IPCEF1: variants seen among roughly 807,000 people sequenced by gnomAD.
IPCEF1 encodes the protein interaction protein for cytohesin exchange factors 1.
In IPCEF1, 31 loss-of-function variants were observed where a neutral mutation model predicts 50.9. The observed-to-expected ratio is 0.61, with a 90% CI of 0.46 to 0.82. The LOEUF (loss-of-function observed/expected upper bound fraction) is 0.82, where lower values mean the gene tolerates loss of function less well. Among genes scored for constraint, IPCEF1 ranks in the 40% least tolerant of loss-of-function variants. The pLI, the probability that IPCEF1 is intolerant of heterozygous loss-of-function variation, is 0.00. For synonymous variants in IPCEF1, 181 were observed against 192.0 expected (o/e 0.94, Z 0.47); for missense variants, 458 against 514.0 (o/e 0.89, Z 1.05).
At chr6:154,350,025 C>T (rs942838355) in intron 1 of IPCEF1, among the ~76,000 whole-genome samples, 6 of 152,144 alleles carry the variant, frequency 3.9e-5, no homozygotes, top group Admixed American at 1.3e-4. Flanking sequence ...CACAGGGAAA[C>T]TCAAGAATAT....
chr6:154,215,463 G>A (rs1441724016), intron 7 of IPCEF1, among the ~76,000 whole-genome samples: 10 of 151,962 alleles, frequency 6.6e-5, no homozygotes, highest in African/African-American at 9.7e-5. Flanking sequence ...AAAATTAGCC[G>A]GGTGTGGTGG....
chr6:154,254,911 T>A (rs1286318733), intron 3 of IPCEF1, among the ~76,000 whole-genome samples: 1 of 152,180 alleles, frequency 6.6e-6, no homozygotes, highest in East Asian at 1.9e-4. Flanking sequence ...ATTTTTCCCT[T>A]TTTTCTTTCT....
rs1782746012 is a variant in IPCEF1, at chr6:154,299,726, C to T, written c.-61-9970G>A. Among the ~76,000 whole-genome samples the T allele has an allele frequency of 1.4e-5, 2 of 140,580 alleles. 1 individual carries two copies. Among genetic ancestry groups the T allele is most frequent in the Admixed American group, 1.5e-4 (2 of 13,496 alleles). The allele number at this position is 140,580 out of a possible 152,430, so 92.2% of individuals were successfully genotyped here. A position where few individuals can be genotyped will look rare whatever the true frequency, so the allele number is the denominator to read the frequency against. ...CATTTACCTATGTAACCAACCTGCA[C>T]ATCCTGCACATGTATCCTGGAACTT... On this transcript the variant is annotated intron_variant, in intron 1 of 11. Transcript: ENST00000367220.
chr6:154,246,568 T>G lies in IPCEF1; in HGVS notation c.246+23A>C, dbSNP rs188134544. 2.9e-4 allele frequency: 460 copies of G among 1,596,828 alleles called. 3 individuals carry two copies. In the African/African-American group the frequency reaches 5.7e-3, roughly 20 times the overall value. ...TATCCCTCATTAAAACGGCTGGGAA[T>G]AGGAGGAAGAAAGCAGACTCACCAT... On this transcript the variant is annotated intron_variant, in intron 5 of 11. Coordinates refer to ENST00000367220, the MANE Select transcript of IPCEF1 (RefSeq NM_001130700.2).
intron 11 of IPCEF1, among the ~76,000 whole-genome samples, chr6:154,160,282 ATCT>A (rs754427289): frequency 6.6e-6 from 1 of 152,186 alleles, no homozygotes; most frequent in Non-Finnish European, 1.5e-5. Context: ...TATAGCAAAG[ATCT>A]TCTATGTTGC....
At chr6:154,316,401 G>C (rs1355648564) in intron 1 of IPCEF1, among the ~76,000 whole-genome samples, 2 of 152,100 alleles carry the variant, frequency 1.3e-5, no homozygotes, top group African/African-American at 4.8e-5. Context: ...ATATCTCTGA[G>C]TTATGCCTAG....
intron 5 of IPCEF1, among the ~76,000 whole-genome samples, chr6:154,241,602 C>T (rs1780597737): frequency 6.6e-6 from 1 of 151,996 alleles, no homozygotes; most frequent in African/African-American, 2.4e-5. Flanking sequence ...TTCTTCATAC[C>T]TCACCCCTTT....
At chr6:154,200,519 G>A (rs1776977874) in intron 9 of IPCEF1, among the ~76,000 whole-genome samples, 1 of 152,076 alleles carries the variant, frequency 6.6e-6, no homozygotes, top group Non-Finnish European at 1.5e-5. Flanking sequence ...CCGGGAGTTT[G>A]AGACCAGCCG....
intron 10 of IPCEF1, among the ~76,000 whole-genome samples, chr6:154,197,451 G>A (rs532025117): frequency 7.9e-5 from 12 of 152,284 alleles, no homozygotes; most frequent in Non-Finnish European, 1.5e-4. Flanking sequence ...TGTAGCATAT[G>A]AGAACTGCCA....
intron 11 of IPCEF1, among the ~76,000 whole-genome samples, chr6:154,160,826 G>A (rs1238265604): frequency 6.6e-6 from 1 of 152,138 alleles, no homozygotes; most frequent in Non-Finnish European, 1.5e-5. Context: ...TCCTAAGGTT[G>A]GATATCCAGT....
At chr6:154,322,373 AACACACACACACAC>A (rs3039689) in intron 1 of IPCEF1, among the ~76,000 whole-genome samples, 1 of 123,720 alleles carries the variant, frequency 8.1e-6, no homozygotes, top group Non-Finnish European at 1.8e-5. Context: ...AAAAATTTTA[AACACACACACACAC>A]ACACACACAC....
At chr6:154,350,518 A>G (rs1178121781) in intron 1 of IPCEF1, among the ~76,000 whole-genome samples, 1 of 152,266 alleles carries the variant, frequency 6.6e-6, no homozygotes, top group African/African-American at 2.4e-5. Flanking sequence ...AGTTAACTTC[A>G]TAGAAATGAG....
intron 9 of IPCEF1, among the ~76,000 whole-genome samples, chr6:154,203,025 T>G (rs1777196916): frequency 6.6e-6 from 1 of 152,190 alleles, no homozygotes; most frequent in Admixed American, 6.5e-5. Context: ...GGATTCAGTA[T>G]GAAAACACGC....
chr6:154,282,156 A>G (rs1782232509), intron 2 of IPCEF1, among the ~76,000 whole-genome samples: 1 of 151,988 alleles, frequency 6.6e-6, no homozygotes, highest in Non-Finnish European at 1.5e-5. Flanking sequence ...GTGACAGAGC[A>G]AGACTCTGTC....
chr6:154,349,789 G>A (rs1784092342), intron 1 of IPCEF1, among the ~76,000 whole-genome samples: 1 of 152,058 alleles, frequency 6.6e-6, no homozygotes, highest in Admixed American at 6.6e-5. Flanking sequence ...CTACTGCATA[G>A]TTAGAAAAAG....
At chr6:154,251,772 G>C (rs184337699) in intron 3 of IPCEF1, among the ~76,000 whole-genome samples, 18 of 152,212 alleles carry the variant, frequency 1.2e-4, no homozygotes, top group Admixed American at 2.0e-4. Context: ...AAGAGGAAAA[G>C]AAGAAATGAA....
chr6:154,299,878 T>A lies in IPCEF1; in HGVS notation c.-61-10122A>T, dbSNP rs1782749396. On this transcript the variant is annotated intron_variant, in intron 1 of 11. Transcript: ENST00000367220. ...AAAAAGAAAAGAAAAAAGAAAGTAG[T>A]CTATGACTTAAAAAAAAAAACTTGG... Among the ~76,000 whole-genome samples, 3 of 139,126 alleles carry A rather than the reference T, an allele frequency of 2.2e-5. 1 individual carries two copies. The highest frequency in any genetic ancestry group is 4.5e-4 in the South Asian group (2 of 4,460). 91.3% of individuals were successfully genotyped at this position (139,126 alleles called of 152,430 possible). A position where few individuals can be genotyped will look rare whatever the true frequency, so the allele number is the denominator to read the frequency against.
chr6:154,318,988 T>A (rs953363693), intron 1 of IPCEF1, among the ~76,000 whole-genome samples: 1 of 152,196 alleles, frequency 6.6e-6, no homozygotes, highest in Non-Finnish European at 1.5e-5. Flanking sequence ...TAGAACCTAA[T>A]TGAAGATAAG....
intron 10 of IPCEF1, among the ~76,000 whole-genome samples, chr6:154,194,697 AG>A (rs1420510229): frequency 6.6e-6 from 1 of 152,180 alleles, no homozygotes; most frequent in Non-Finnish European, 1.5e-5. Context: ...TGAAAAACAA[AG>A]GTAATGTAAA....
Sources: gnomAD v4.1 joint callset for allele counts (sites outside exome capture counted in the v4.1 genomes callset) on GRCh38, gnomAD v4.1.1 for gene constraint, MANE v1.5 for transcripts, NCBI Gene and HGNC (gene_info 2026-07-23, HGNC 2026-07-21) for gene names.